The following RFX3 variants were observed in gnomAD, a reference collection of about 807,000 sequenced individuals.
The protein encoded by RFX3 is transcription factor RFX3.
A neutral mutation model predicts 98.6 loss-of-function variants in RFX3; 14 were observed. The observed-to-expected ratio is 0.14, with a 90% CI of 0.09 to 0.22. RFX3 has a LOEUF of 0.22. Among genes scored for constraint, RFX3 ranks in the 10% least tolerant of loss-of-function variants. The pLI, the probability that RFX3 is intolerant of heterozygous loss-of-function variation, is 1.00. For synonymous variants in RFX3, 383 were observed against 328.4 expected (o/e 1.17, Z -1.80); for missense variants, 639 against 926.9 (o/e 0.69, Z 4.03).
intron 11 of RFX3, among the ~76,000 whole-genome samples, chr9:3,268,124 C>G (rs1035325946): frequency 6.6e-6 from 1 of 151,730 alleles, no homozygotes; most frequent in Non-Finnish European, 1.5e-5. Context: ...AAGTGTTACC[C>G]ATTGAGTGCT....
chr9:3,343,596 C>G (rs146391587), intron 3 of RFX3, among the ~76,000 whole-genome samples: 62 of 152,190 alleles, frequency 4.1e-4, no homozygotes, highest in Admixed American at 2.0e-3. Flanking sequence ...TTTTCTAGTC[C>G]TATTTGAGAA....
intron 1 of RFX3, among the ~76,000 whole-genome samples, chr9:3,474,403 A>G (rs1188559179): frequency 6.6e-6 from 1 of 152,230 alleles, no homozygotes; most frequent in Non-Finnish European, 1.5e-5. Flanking sequence ...CTTGTCAAAT[A>G]CAGACTATGA....
chr9:3,306,068 T>C (rs1301859005), intron 4 of RFX3, among the ~76,000 whole-genome samples: 1 of 152,040 alleles, frequency 6.6e-6, no homozygotes, highest in African/African-American at 2.4e-5. Context: ...CTAAATGATG[T>C]TTTACCACAA....
At chr9:3,349,997 C>T (rs10813972) in intron 2 of RFX3, among the ~76,000 whole-genome samples, 25,286 of 151,798 alleles carry the variant, frequency 0.17, 3,381 homozygotes, top group African/African-American at 0.37. Context: ...GCATCCAAAA[C>T]TTTGAGAAAG....
intron 2 of RFX3, among the ~76,000 whole-genome samples, chr9:3,372,810 T>C (rs1416704256): frequency 6.6e-6 from 1 of 152,108 alleles, no homozygotes; most frequent in Non-Finnish European, 1.5e-5. Context: ...GGTCTTGAAC[T>C]CCTGACCTCA....
chr9:3,468,418 T>A (rs912736767), intron 1 of RFX3, among the ~76,000 whole-genome samples: 1 of 152,190 alleles, frequency 6.6e-6, no homozygotes, highest in African/African-American at 2.4e-5. Context: ...ATTCATTTCA[T>A]GAATCTGCTC....
intron 7 of RFX3, 103 bp from the exon 8 acceptor site, chr9:3,277,564 A>G: frequency 2.1e-6 from 2 of 967,342 alleles, no homozygotes; most frequent in South Asian, 3.3e-5. Flanking sequence ...ATCTTCTTTA[A>G]CGTCTCATGA....
chr9:3,361,775 C>T (rs1487867520), intron 2 of RFX3, among the ~76,000 whole-genome samples: 1 of 151,814 alleles, frequency 6.6e-6, no homozygotes, highest in South Asian at 2.1e-4. Context: ...TAGGGAGACC[C>T]TGCCTCTACA....
chr9:3,338,344 G>A (rs1367907927), intron 3 of RFX3, among the ~76,000 whole-genome samples: 1 of 152,160 alleles, frequency 6.6e-6, no homozygotes, highest in Non-Finnish European at 1.5e-5. Context: ...GGGAGGAAAT[G>A]CAAGAATAAA....
chr9:3,452,836 C>T (rs1846785280), intron 1 of RFX3, among the ~76,000 whole-genome samples: 1 of 152,148 alleles, frequency 6.6e-6, no homozygotes, highest in Admixed American at 6.5e-5. Context: ...TTTGTATCTG[C>T]TATCTGTGTA....
intron 4 of RFX3, among the ~76,000 whole-genome samples, chr9:3,310,829 A>G (rs993568460): frequency 7.9e-5 from 12 of 152,186 alleles, no homozygotes; most frequent in African/African-American, 2.4e-4. Flanking sequence ...ATATAAACAA[A>G]GTGGAAATAT....
chr9:3,226,448 G>C (rs1443095837), intron 16 of RFX3, among the ~76,000 whole-genome samples: 2 of 152,178 alleles, frequency 1.3e-5, no homozygotes, highest in South Asian at 2.1e-4. Flanking sequence ...TGGCTGTACA[G>C]TGTACAGCCA....
chr9:3,328,827 A>G (rs562247766), intron 4 of RFX3, among the ~76,000 whole-genome samples: 9 of 152,266 alleles, frequency 5.9e-5, no homozygotes, highest in Admixed American at 1.3e-4. Context: ...TCATATTACT[A>G]TTTTCTCCCC....
intron 12 of RFX3, 97 bp from the exon 13 acceptor site, chr9:3,263,181 C>A: frequency 7.8e-7 from 1 of 1,274,996 alleles, no homozygotes; most frequent in Non-Finnish European, 1.1e-6. Flanking sequence ...ATTTTAAATG[C>A]TTGCCTCTGA....
intron 1 of RFX3, among the ~76,000 whole-genome samples, chr9:3,472,284 C>A (rs935674819): frequency 6.6e-6 from 1 of 152,004 alleles, no homozygotes; most frequent in South Asian, 2.1e-4. Flanking sequence ...GTTAAACAGA[C>A]CACAGCTCAA....
intron 5 of RFX3, among the ~76,000 whole-genome samples, chr9:3,296,648 C>T (rs1202009489): frequency 3.9e-5 from 6 of 151,960 alleles, no homozygotes; most frequent in East Asian, 1.9e-4. Context: ...AGCAAAGCTA[C>T]GTTTTGTTCC....
chr9:3,484,919 C>T (rs968229271), intron 1 of RFX3, among the ~76,000 whole-genome samples: 2 of 150,298 alleles, frequency 1.3e-5, no homozygotes, highest in Admixed American at 1.3e-4. Context: ...CACCCCCCCC[C>T]ACCCCATCTC....
chr9:3,446,381 G>C (rs1055935454), intron 1 of RFX3, among the ~76,000 whole-genome samples: 1 of 151,972 alleles, frequency 6.6e-6, no homozygotes, highest in Non-Finnish European at 1.5e-5. Context: ...TTAATCAAAA[G>C]TAAAGGTAAT....
intron 3 of RFX3, among the ~76,000 whole-genome samples, chr9:3,340,433 C>G (rs1003761227): frequency 6.6e-6 from 1 of 152,236 alleles, no homozygotes; most frequent in Admixed American, 6.5e-5. Flanking sequence ...AGCTTCTGCA[C>G]AGCAAAAGAA....
Sources: allele counts gnomAD v4.1 joint callset (sites outside exome capture counted in the v4.1 genomes callset), GRCh38; gene constraint gnomAD v4.1.1; transcripts MANE v1.5; gene names NCBI Gene and HGNC (gene_info 2026-07-23, HGNC 2026-07-21).